ZMYM4: variants seen among roughly 807,000 people sequenced by gnomAD.
ZMYM4 encodes zinc finger MYM-type protein 4.
In ZMYM4, 31 loss-of-function variants were observed where a neutral mutation model predicts 183.2. The observed-to-expected ratio is 0.17, with a 90% CI of 0.13 to 0.23. ZMYM4 has a LOEUF of 0.23. Among genes scored for constraint, ZMYM4 ranks in the 10% least tolerant of loss-of-function variants. The probability of loss-of-function intolerance (pLI) is 1.00; values close to 1 mark genes in which losing one functional copy is unlikely to be tolerated. For missense variants in ZMYM4, 1,273 were observed against 1,840.3 expected, an observed-to-expected ratio of 0.69 and a Z score of 5.64; for synonymous variants, 592 against 631.2, an observed-to-expected ratio of 0.94 and a Z score of 0.93.
At chr1:35,330,175 T>C (rs896774840) in intron 2 of ZMYM4, among the ~76,000 whole-genome samples, 6 of 149,006 alleles carry the variant, frequency 4.0e-5, no homozygotes, top group African/African-American at 9.9e-5. Context: ...ATGGTGCCAT[T>C]GCACTCCAGC....
intron 2 of ZMYM4, among the ~76,000 whole-genome samples, chr1:35,327,912 C>T (rs566211091): frequency 6.6e-5 from 10 of 152,250 alleles, no homozygotes; most frequent in South Asian, 2.1e-4. Flanking sequence ...TATCTGTGGT[C>T]AGGGAAACCA....
At chr1:35,280,146 T>C (rs996228780) in intron 1 of ZMYM4, among the ~76,000 whole-genome samples, 1 of 151,006 alleles carries the variant, frequency 6.6e-6, no homozygotes, top group African/African-American at 2.4e-5. Flanking sequence ...CTCTCTCTCT[T>C]TCTTTCTTCC....
intron 26 of ZMYM4, 148 bp from the exon 27 acceptor site, chr1:35,413,824 A>G (rs1221594868): frequency 1.9e-6 from 1 of 514,152 alleles, no homozygotes. Context: ...TGTTTTAACA[A>G]CTATCTCTAA....
intron 1 of ZMYM4, among the ~76,000 whole-genome samples, chr1:35,323,600 G>A (rs1642381748): frequency 6.6e-6 from 1 of 151,642 alleles, no homozygotes; most frequent in Non-Finnish European, 1.5e-5. Context: ...CTGGAGTGCA[G>A]TGGCACGATC....
chr1:35,379,522 C>T (rs1219717718), intron 7 of ZMYM4, among the ~76,000 whole-genome samples: 1 of 152,248 alleles, frequency 6.6e-6, no homozygotes, highest in African/African-American at 2.4e-5. Flanking sequence ...AGGCGTGAGC[C>T]GCCACGCCCG....
intron 2 of ZMYM4, chr1:35,351,308 G>C: frequency 6.3e-7 from 1 of 1,580,278 alleles, no homozygotes; most frequent in Non-Finnish European, 8.7e-7. Context: ...TACACCGGAA[G>C]CACATCATGG....
intron 1 of ZMYM4, among the ~76,000 whole-genome samples, chr1:35,295,565 A>G (rs915559245): frequency 1.3e-5 from 2 of 152,326 alleles, no homozygotes; most frequent in South Asian, 2.1e-4. Flanking sequence ...CTAGATTTCA[A>G]CAGCACACCC....
In ZMYM4 at chr1:35,391,731, T is replaced by G. The variant is rs190182642; in HGVS notation, c.2588-481T>G. 2.0e-4 allele frequency among the ~76,000 whole-genome samples: 31 copies of G among 152,324 alleles called. 1 individual carries two copies. The highest frequency in any genetic ancestry group is 1.8e-3 in the Admixed American group (27 of 15,290). On this transcript the variant is annotated intron_variant, in intron 15 of 29. Transcript: ENST00000314607. ...TGTAAAGATAAAGTTAATAGAAAAC[T>G]TTCAAGTTTTACTAATTAAAAAGTA...
intron 1 of ZMYM4, 151 bp from the exon 2 acceptor site, chr1:35,325,209 T>G (rs2148820512): frequency 6.4e-6 from 4 of 621,532 alleles, no homozygotes; most frequent in Non-Finnish European, 7.5e-6. Flanking sequence ...TAAATTTTAT[T>G]TTACTCTATT....
At chr1:35,279,893 G>T (rs1339840687) in intron 1 of ZMYM4, among the ~76,000 whole-genome samples, 1 of 152,134 alleles carries the variant, frequency 6.6e-6, no homozygotes, top group East Asian at 1.9e-4. Context: ...ACAATTCTGT[G>T]TATGTATTCT....
At chr1:35,295,615 T>C (rs1394987037) in intron 1 of ZMYM4, among the ~76,000 whole-genome samples, 1 of 152,120 alleles carries the variant, frequency 6.6e-6, no homozygotes, top group African/African-American at 2.4e-5. Context: ...CATTGTCAGA[T>C]TTTCTAGATT....
chr1:35,326,630 T>C (rs1044485361), intron 2 of ZMYM4, among the ~76,000 whole-genome samples: 2 of 152,182 alleles, frequency 1.3e-5, no homozygotes, highest in African/African-American at 4.8e-5. Context: ...CCTGGCAGCC[T>C]CAGGGCACAA....
intron 1 of ZMYM4, among the ~76,000 whole-genome samples, chr1:35,318,928 C>T (rs982916343): frequency 3.3e-5 from 5 of 152,028 alleles, no homozygotes; most frequent in Non-Finnish European, 5.9e-5. Flanking sequence ...CTCTTGTTGC[C>T]CAGGGTGGAG....
chr1:35,281,661 A>AAT lies in ZMYM4; in HGVS notation c.39+12594_39+12595dup, dbSNP rs56216613. 4.3e-3 allele frequency among the ~76,000 whole-genome samples: 641 copies of AAT among 148,030 alleles called. 8 individuals carry two copies. The highest frequency in any genetic ancestry group is 0.016 in the South Asian group (76 of 4,700). On this transcript the variant is annotated intron_variant, in intron 1 of 29. Transcript: ENST00000314607. ...TTCTCAAAAAGCAAATCATATAATA[A>AAT]ATATATATATATATATATAATATAA...
intron 1 of ZMYM4, among the ~76,000 whole-genome samples, chr1:35,283,326 CTTTTTTTT>C (rs201360397): frequency 8.5e-4 from 48 of 56,766 alleles, no homozygotes; most frequent in African/African-American, 3.9e-3. Flanking sequence ...GAAGTGGTAT[CTTTTTTTT>C]TTTTTTTTTT....
intron 1 of ZMYM4, among the ~76,000 whole-genome samples, chr1:35,299,548 G>C (rs1641177704): frequency 2.0e-5 from 3 of 152,180 alleles, no homozygotes; most frequent in Admixed American, 2.0e-4. Flanking sequence ...CTGAAGTTAA[G>C]TTACAAAAGT....
chr1:35,298,282 C>T (rs938663167), intron 1 of ZMYM4, among the ~76,000 whole-genome samples: 5 of 152,246 alleles, frequency 3.3e-5, no homozygotes, highest in African/African-American at 1.2e-4. Context: ...CTGGTGTGCA[C>T]CTATGGTCCC....
intron 26 of ZMYM4, among the ~76,000 whole-genome samples, chr1:35,412,690 CGAA>C (rs527282952): frequency 6.6e-6 from 1 of 151,734 alleles, no homozygotes; most frequent in Non-Finnish European, 1.5e-5. Context: ...TTTTCAATAA[CGAA>C]GATATATTTT....
At chr1:35,326,183 G>A (rs1642496705) in intron 2 of ZMYM4, among the ~76,000 whole-genome samples, 1 of 152,154 alleles carries the variant, frequency 6.6e-6, no homozygotes, top group African/African-American at 2.4e-5. Flanking sequence ...ATTGATAGAA[G>A]TAAGAGTTAA....
Sources: gnomAD v4.1 joint callset for allele counts (sites outside exome capture counted in the v4.1 genomes callset) on GRCh38, gnomAD v4.1.1 for gene constraint, MANE v1.5 for transcripts, NCBI Gene and HGNC (gene_info 2026-07-23, HGNC 2026-07-21) for gene names.